C1QC: variants seen among roughly 807,000 people sequenced by gnomAD.
C1QC encodes complement C1q subcomponent subunit C.
Under a neutral mutation model 5.9 loss-of-function variants are expected in C1QC, and 4 were observed. The ratio of observed to expected loss-of-function variants is 0.68; its 90% CI spans 0.33 to 1.55. C1QC has a LOEUF of 1.55. Among genes scored for constraint, C1QC ranks in the 40% most tolerant of loss-of-function variants. The pLI, the probability that C1QC is intolerant of heterozygous loss-of-function variation, is 0.06. For missense variants in C1QC, 299 were observed against 326.9 expected (o/e 0.91, Z 0.66); for synonymous variants, 166 against 153.8 (o/e 1.08, Z -0.59).
Position 22,644,423 on chromosome 1 carries a change from C to A in C1QC, c.181+219C>A, listed in dbSNP as rs551774570. On this transcript the variant is annotated intron_variant, in intron 2 of 2. Coordinates refer to ENST00000374640, the MANE Select transcript of C1QC (RefSeq NM_172369.5). Reference sequence around the variant, plus strand: ...GGTGACCTTGGGCCCAGCGCACTTCCATCTTCCTTCTCCTCCTTACCCGAT... The same window carrying A: ...GGTGACCTTGGGCCCAGCGCACTTCAATCTTCCTTCTCCTCCTTACCCGAT... 2.0e-5 allele frequency among the ~76,000 whole-genome samples: 3 copies of A among 152,294 alleles called. No homozygotes were observed. The South Asian group carries it at 6.2e-4, about 32-fold the overall frequency.
intron 2 of C1QC, among the ~76,000 whole-genome samples, chr1:22,646,181 T>A (rs1642366891): frequency 6.6e-6 from 1 of 152,144 alleles, no homozygotes. Flanking sequence ...TGAGGGAAGT[T>A]GAACCAGGCC....
Position 22,644,185 on chromosome 1 carries a change from G to A in C1QC, c.162G>A (p.Pro54=), listed in dbSNP as rs193175681. The change falls in exon 2 of 3, where the codon CCG becomes CCA. Residue 54 remains proline (P), a synonymous_variant. Coordinates refer to ENST00000374640, the MANE Select transcript of C1QC (RefSeq NM_172369.5). ...APGKDGYDGL[P]GPKGEPGIPA... Reference sequence around the variant, plus strand: ...GGAAGGATGGGTACGACGGACTGCCGGGGCCCAAGGGGGAGCCAGGTGAGT... The same window carrying A: ...GGAAGGATGGGTACGACGGACTGCCAGGGCCCAAGGGGGAGCCAGGTGAGT... 78 of 1,579,442 alleles carry A rather than the reference G, an allele frequency of 4.9e-5. No individual in the cohort carries two copies. The East Asian group carries it at 5.7e-4, about 12-fold the overall frequency.
chr1:22,644,263 C>G (rs1408471303), intron 2 of C1QC, 59 bp downstream of exon 2: 2 of 1,484,966 alleles, frequency 1.3e-6, no homozygotes, highest in Non-Finnish European at 9.0e-7. Context: ...GAGTGTCTGT[C>G]TGGGGCTGAC....
chr1:22,644,120 T>A lies in C1QC; in HGVS notation c.97T>A (p.Tyr33Asn), dbSNP rs1185569143. ...PLRGQANTGC[Y>N]GIPGMPGLPG... ...CAGGGGCCAAGCCAACACAGGCTGC[T>A]ACGGGATCCCAGGGATGCCCGGCCT... Residue 33 changes from tyrosine to asparagine, a missense_variant, in exon 2 of 3, where the codon TAC becomes AAC. Physicochemically the swap from Tyr to Asn is moderately radical, Grantham distance 143 (BLOSUM62 -2). This residue lies in a region of C1QC where 146 missense variants were observed against 144.1 expected (regional missense o/e 1.01). Coordinates refer to ENST00000374640, the MANE Select transcript of C1QC (RefSeq NM_172369.5). The A allele has an allele frequency of 6.3e-7, 1 of 1,583,418 alleles. No homozygotes were observed.
At chr1:22,645,115 A>C (rs1263492046) in intron 2 of C1QC, among the ~76,000 whole-genome samples, 1 of 152,064 alleles carries the variant, frequency 6.6e-6, no homozygotes, top group East Asian at 1.9e-4. Flanking sequence ...AGGCCAGTTG[A>C]GAGGAATGTC....
At position 22,647,929 on chromosome 1, in the gene C1QC, C is replaced by A; in HGVS notation, c.*146C>A. The A allele has an allele frequency of 9.9e-7, 1 of 1,013,564 alleles. No individual in the cohort carries two copies. Among genetic ancestry groups the A allele is most frequent in the Non-Finnish European group, 1.4e-6 (1 of 695,002 alleles). The allele number at this position is 1,013,564 out of a possible 1,614,324, so 62.8% of individuals were successfully genotyped here. A position where few individuals can be genotyped will look rare whatever the true frequency, so the allele number is the denominator to read the frequency against. The stretch of plus-strand genomic sequence containing the variant: ...CCTCCAGGGAGCCCACCCTGACCCA[C>A]CCCCACTGCACCCCCTCCCCATGGG... On this transcript the variant is annotated 3_prime_UTR_variant, in exon 3 of 3. Coordinates refer to ENST00000374640, the MANE Select transcript of C1QC (RefSeq NM_172369.5).
At chr1:22,644,345 A>C in intron 2 of C1QC, 141 bp downstream of exon 2, 14 of 1,168,558 alleles carry the variant, frequency 1.2e-5, no homozygotes, top group Non-Finnish European at 1.6e-5. Context: ...GTGGACTCTC[A>C]CGGTGTGTCT....
At chr1:22,647,081 C>A (rs1183044468) in intron 2 of C1QC, 146 bp from the exon 3 acceptor site, 22 of 952,342 alleles carry the variant, frequency 2.3e-5, no homozygotes, top group Non-Finnish European at 3.4e-5. Context: ...TAACTCCCTG[C>A]ACCCTGCTCC....
At chr1:22,647,152 C>T (rs1642380713) in intron 2 of C1QC, 75 bp from the exon 3 acceptor site, 1 of 1,539,856 alleles carries the variant, frequency 6.5e-7, no homozygotes, top group South Asian at 1.1e-5. Context: ...CGCTGTGTTC[C>T]CTGGAAGACA....
At chr1:22,643,887 G>A in intron 1 of C1QC, 124 bp from the exon 2 acceptor site, 1 of 1,391,344 alleles carries the variant, frequency 7.2e-7, no homozygotes, top group African/African-American at 1.4e-5. Flanking sequence ...TCCATCCATG[G>A]TGAGGCTCCT....
At chr1:22,644,332 G>A in intron 2 of C1QC, 128 bp downstream of exon 2, 1 of 1,267,138 alleles carries the variant, frequency 7.9e-7, no homozygotes, top group Non-Finnish European at 1.1e-6. Context: ...CCCCAGGGCA[G>A]AGGTGGACTC....
chr1:22,647,687 C>G lies in C1QC; in HGVS notation c.642C>G (p.Gly214=). The G allele has an allele frequency of 6.2e-7, 1 of 1,607,878 alleles. No individual in the cohort carries two copies. Among genetic ancestry groups the G allele is most frequent in the Non-Finnish European group, 8.5e-7 (1 of 1,179,506 alleles). The change falls in exon 3 of 3, where the codon GGC becomes GGG. Residue 214 remains glycine, a synonymous_variant. Transcript: ENST00000374640. The part of the protein sequence containing the change: ...SGGVLLRLQV[G]EEVWLAVNDY... ...GTGTGCTGCTGAGGTTGCAGGTGGGCGAGGAGGTGTGGCTGGCTGTCAATG... is the reference window on the plus strand; with the variant it reads ...GTGTGCTGCTGAGGTTGCAGGTGGGGGAGGAGGTGTGGCTGGCTGTCAATG...
intron 2 of C1QC, among the ~76,000 whole-genome samples, chr1:22,646,361 A>G (rs1490703705): frequency 6.6e-6 from 1 of 152,218 alleles, no homozygotes; most frequent in Admixed American, 6.5e-5. Flanking sequence ...AAGCTTGTAA[A>G]ATGTTGAGGG....
At chr1:22,645,068 G>A (rs1038214584) in intron 2 of C1QC, among the ~76,000 whole-genome samples, 33 of 152,132 alleles carry the variant, frequency 2.2e-4, no homozygotes, top group South Asian at 4.1e-4. Flanking sequence ...GACACTGAGC[G>A]GAGGTGATGG....
Position 22,647,311 on chromosome 1 carries a change from C to G in C1QC, c.266C>G (p.Pro89Arg). The G allele has an allele frequency of 6.2e-7, 1 of 1,613,772 alleles. No homozygotes were observed. The highest frequency in any genetic ancestry group is 8.5e-7 in the Non-Finnish European group (1 of 1,179,944). ...GLPGHPGKNG[P>R]MGPPGMPGVP... ...CCCGGCCATCCTGGGAAAAATGGCC[C>G]CATGGGACCCCCTGGGATGCCAGGG... is the stretch of plus-strand genomic sequence containing the variant. The change falls in exon 3 of 3, where the codon CCC becomes CGC. Residue 89 changes from proline (P) to arginine (R), a missense_variant. Around this residue, in one of 3 missense-constraint regions of C1QC, gnomAD observed 146 missense variants for 144.1 expected, o/e 1.01. Transcript: ENST00000374640.
chr1:22,644,340 C>A, intron 2 of C1QC, 136 bp downstream of exon 2: 1 of 1,185,302 alleles, frequency 8.4e-7, no homozygotes, highest in Non-Finnish European at 1.1e-6. Context: ...CAGAGGTGGA[C>A]TCTCACGGTG....
intron 2 of C1QC, among the ~76,000 whole-genome samples, chr1:22,645,459 T>C (rs1184653552): frequency 6.6e-6 from 1 of 152,202 alleles, no homozygotes; most frequent in Non-Finnish European, 1.5e-5. Context: ...TTGAGCAACT[T>C]GTCCAAAGTC....
At chr1:22,647,096 G>C (rs968336224) in intron 2 of C1QC, 131 bp from the exon 3 acceptor site, 2 of 1,087,476 alleles carry the variant, frequency 1.8e-6, no homozygotes, top group African/African-American at 3.1e-5. Context: ...TGCTCCTAGG[G>C]AGATAGCCCA....
chr1:22,647,130 A>G, intron 2 of C1QC, 97 bp from the exon 3 acceptor site: 1 of 1,413,832 alleles, frequency 7.1e-7, no homozygotes, highest in Non-Finnish European at 9.7e-7. Flanking sequence ...GATTCTAGAG[A>G]CCAAATGCCA....
Sources: allele counts gnomAD v4.1 joint callset (sites outside exome capture counted in the v4.1 genomes callset), GRCh38; gene constraint gnomAD v4.1.1; regional missense constraint gnomAD v4.1.1; transcripts MANE v1.5; gene names NCBI Gene and HGNC (gene_info 2026-07-23, HGNC 2026-07-21).